Variants in GFAP observed in about 807,000 individuals in gnomAD.
GFAP encodes the protein intermediate filament protein.
GFAP carries 38 observed loss-of-function variants against 49.3 expected under a neutral mutation model. The observed-to-expected ratio is 0.77, with a 90% CI of 0.60 to 1.01. The LOEUF (loss-of-function observed/expected upper bound fraction) is 1.01, where lower values mean the gene tolerates loss of function less well. Among genes scored for constraint, GFAP ranks in the 50% least tolerant of loss-of-function variants. The pLI is 0.00. For synonymous variants in GFAP, 222 were observed against 236.4 expected (o/e 0.94, Z 0.56); for missense variants, 463 against 579.1 (o/e 0.80, Z 2.06).
Position 44,910,601 on chromosome 17 carries a change from C to T in GFAP, c.1171+14G>A, listed in dbSNP as rs756735726. 6.4e-7 allele frequency: 1 copy of T among 1,570,592 alleles called. No homozygotes were observed. Among genetic ancestry groups the T allele is most frequent in the Non-Finnish European group, 8.6e-7 (1 of 1,156,928 alleles). ...GACTCCAGTGCCCTTCCCACGAGGC[C>T]CTGCTGTACTGACCTCGAATCTGCA... On this transcript the variant is annotated intron_variant, in intron 7 of 8. Coordinates refer to ENST00000588735, the MANE Select transcript of GFAP (RefSeq NM_002055.5).
rs915938269 is a variant in GFAP at position 44,914,224 on chromosome 17, T to TG, written c.462-137dup. On this transcript the variant is annotated intron_variant, in intron 1 of 8. Coordinates refer to ENST00000588735, the MANE Select transcript of GFAP (RefSeq NM_002055.5). The stretch of plus-strand genomic sequence containing the variant: ...GTAGAGCAGCAGGAGGATTAAGGGT[T>TG]GGGGGGCCTTAGACAGAGGACTTGT... 2.2e-5 allele frequency: 15 copies of TG among 676,134 alleles called. No homozygotes were observed. The African/African-American group carries it at 2.3e-4, about 10-fold the overall frequency. 41.9% of individuals were successfully genotyped at this position (676,134 alleles called of 1,614,324 possible). A position where few individuals can be genotyped will look rare whatever the true frequency, so the allele number is the denominator to read the frequency against.
Position 44,915,189 on chromosome 17 carries a change from C to G in GFAP, c.298G>C (p.Glu100Gln), listed in dbSNP as rs1288271944. The change falls in exon 1 of 9, where the codon GAG becomes CAG. Residue 100 changes from glutamate (E) to glutamine (Q), a missense_variant. By Grantham distance (29) the Glu-to-Gln change is conservative (BLOSUM62 2). Coordinates refer to ENST00000588735, the MANE Select transcript of GFAP (RefSeq NM_002055.5). This position sits in a 1 kb window ranked among gnomAD's most constrained non-coding sequence, Gnocchi z 4.1. ...TCCTTGGCCCGCAGCTGGTTCAGCT[C>G]AGCAGCCAGCGCCTTGTTTTGCTGT... is the stretch of plus-strand genomic sequence containing the variant. ...LEQQNKALAA[E>Q]LNQLRAKEPT... The G allele has an allele frequency of 6.2e-7, 1 of 1,614,214 alleles. No individual in the cohort carries two copies. Among genetic ancestry groups the G allele is most frequent in the Non-Finnish European group, 8.5e-7 (1 of 1,180,048 alleles).
intron 7 of GFAP, chr17:44,909,671 AT>A: frequency 1.6e-6 from 1 of 617,768 alleles, no homozygotes; most frequent in Non-Finnish European, 2.0e-6. Flanking sequence ...ATTCACTAAT[AT>A]TTAACATTAA....
At chr17:44,912,109 T>TGTG (rs535740204) in intron 4 of GFAP, among the ~76,000 whole-genome samples, 22 of 124,870 alleles carry the variant, frequency 1.8e-4, no homozygotes, top group African/African-American at 7.1e-4. Flanking sequence ...GTTTTGTGTG[T>TGTG]TTTTGTTTTT....
intron 3 of GFAP, 112 bp from the exon 4 acceptor site, chr17:44,913,542 C>T: frequency 1.7e-6 from 2 of 1,202,884 alleles, no homozygotes; most frequent in East Asian, 4.7e-5. Context: ...TTCGAATGCT[C>T]TCTTGTCTCT....
rs756110199 is a variant in GFAP, at chr17:44,904,963, G to T, written c.*2384C>A. Reference sequence around the variant, plus strand: ...CAGATCCTGAGACTCGCTCGGCTGTGGAGCTCACCCTGATAGGCTACCTGC... The same window carrying T: ...CAGATCCTGAGACTCGCTCGGCTGTTGAGCTCACCCTGATAGGCTACCTGC... On this transcript the variant is annotated 3_prime_UTR_variant, in exon 9 of 9. Coordinates refer to ENST00000588735, the MANE Select transcript of GFAP (RefSeq NM_002055.5). The T allele has an allele frequency of 1.3e-6, 2 of 1,550,726 alleles. No homozygotes were observed. The highest frequency in any genetic ancestry group is 1.7e-6 in the Non-Finnish European group (2 of 1,147,032).
At position 44,915,425 on chromosome 17, in the gene GFAP, A is replaced by G; in HGVS notation, c.62T>C (p.Met21Thr). The change falls in exon 1 of 9, where the codon ATG (methionine) becomes ACG (threonine). Residue 21 changes from methionine (M) to threonine (T), a missense_variant. By Grantham distance (81) the Met-to-Thr change is moderately conservative (BLOSUM62 -1). Transcript: ENST00000588735. This position sits in a 1 kb window ranked among gnomAD's most constrained non-coding sequence, Gnocchi z 4.1. Reference sequence around the variant, plus strand: ...GCGGCCAGGAGCCAGGCCCCCCACCATCATCTCCCCTGAGGAGACGTAGGA... The same window carrying G: ...GCGGCCAGGAGCCAGGCCCCCCACCGTCATCTCCCCTGAGGAGACGTAGGA... ...RRSYVSSGEM[M>T]VGGLAPGRRL... is the part of the protein sequence containing the mutation. 1.2e-6 allele frequency: 2 copies of G among 1,608,596 alleles called. No individual in the cohort carries two copies. The highest frequency in any genetic ancestry group is 1.3e-5 in the African/African-American group (1 of 74,946).
Position 44,911,378 on chromosome 17 carries a change from C to T in GFAP, c.985G>A (p.Ala329Thr), listed in dbSNP as rs1418225076. The part of the protein sequence containing the change: ...REAASYQEAL[A>T]RLEEEGQSLK... The stretch of plus-strand genomic sequence containing the variant: ...CTCTGCCCCTCTTCCTCCAGCCGCG[C>T]CAGCGCCTCCTGATAACTGGCCGCC... The change falls in exon 6 of 9, where the codon GCG becomes ACG. Residue 329 changes from alanine (A) to threonine (T), a missense_variant. Transcript: ENST00000588735. 7 of 1,614,116 alleles carry T rather than the reference C, an allele frequency of 4.3e-6. No homozygotes were observed. Among genetic ancestry groups the T allele is most frequent in the Middle Eastern group, 1.7e-4 (1 of 6,038 alleles).
Position 44,903,589 on chromosome 17 carries a change from G to A in GFAP, c.*3758C>T. 1 of 1,404,624 alleles carries A rather than the reference G, an allele frequency of 7.1e-7. No homozygotes were observed. The highest frequency in any genetic ancestry group is 9.2e-7 in the Non-Finnish European group (1 of 1,086,470). The allele number at this position is 1,404,624 out of a possible 1,614,324, so 87.0% of individuals were successfully genotyped here. On this transcript the variant is annotated 3_prime_UTR_variant, in exon 9 of 9. Transcript: ENST00000588735. ...AAAGGGGAGTAAAGGCCAGGTTCTA[G>A]AATGGCTTTCCCCCCCCACCCTGAG...
chr17:44,903,950 G>T lies in GFAP; in HGVS notation c.*3397C>A, dbSNP rs1025489740. The T allele has an allele frequency of 5.2e-6, 8 of 1,550,492 alleles. No individual in the cohort carries two copies. In the African/African-American group the frequency reaches 9.6e-5, roughly 19 times the overall value. On this transcript the variant is annotated 3_prime_UTR_variant, in exon 9 of 9. Coordinates refer to ENST00000588735, the MANE Select transcript of GFAP (RefSeq NM_002055.5). The stretch of plus-strand genomic sequence containing the variant: ...CCCTGCTTTCCTGATGTTTGAAAAT[G>T]CAGCCTACCTGGCCGACATGAGCTT...
chr17:44,904,520 A>C lies in GFAP; in HGVS notation c.*2827T>G, dbSNP rs1381731023. ...GCTGCGGACCAAGGCCAGGGACCAC[A>C]CGCCTGAGGTGCTGGTTCGGAGCTG... On this transcript the variant is annotated 3_prime_UTR_variant, in exon 9 of 9. Coordinates refer to ENST00000588735, the MANE Select transcript of GFAP (RefSeq NM_002055.5). 1.9e-6 allele frequency: 3 copies of C among 1,550,320 alleles called. No individual in the cohort carries two copies. In the South Asian group the frequency reaches 3.6e-5, roughly 18 times the overall value.
chr17:44,913,909 C>T, intron 2 of GFAP, 86 bp from the exon 3 acceptor site: 4 of 1,366,690 alleles, frequency 2.9e-6, no homozygotes, highest in Non-Finnish European at 3.1e-6. Flanking sequence ...CTTACCCCTC[C>T]TTCTGGGGCA....
chr17:44,907,622 C>T, intron 8 of GFAP: 1 of 614,056 alleles, frequency 1.6e-6, no homozygotes, highest in Non-Finnish European at 3.0e-6. Flanking sequence ...AGATGAGCTC[C>T]CACTGTGGTT....
chr17:44,915,041 G>T lies in GFAP; in HGVS notation c.446C>A (p.Ala149Asp), dbSNP rs749499843. The change falls in exon 1 of 9, where the codon GCC becomes GAC. Residue 149 changes from alanine to aspartate, a missense_variant. Around this residue, in one of 3 missense-constraint regions of GFAP, gnomAD observed 362 missense variants for 445.5 expected, o/e 0.81. Transcript: ENST00000588735. This position sits in a 1 kb window ranked among gnomAD's most constrained non-coding sequence, Gnocchi z 4.1. Reference protein sequence around the residue: ...VERDNLAQDLATVRQKLQDET... With the variant: ...VERDNLAQDLDTVRQKLQDET... The stretch of plus-strand genomic sequence containing the variant: ...CCCTCCTCACTTCTGCCTCACAGTG[G>T]CCAGGTCCTGTGCCAGATTGTCCCT... 6 of 1,611,404 alleles carry T rather than the reference G, an allele frequency of 3.7e-6. No individual in the cohort carries two copies. The highest frequency in any genetic ancestry group is 5.1e-6 in the Non-Finnish European group (6 of 1,179,890).
In GFAP at chr17:44,914,851, G is replaced by C. The variant is rs553025149; in HGVS notation, c.461+175C>G. ...CGGGCATCAGATCCCCGGGGCCCTG[G>C]GCCTGTTTCTGGTCCCTCCCATCAT... On this transcript the variant is annotated intron_variant, in intron 1 of 8. Transcript: ENST00000588735. 1.8e-4 allele frequency: 113 copies of C among 626,748 alleles called. No individual in the cohort carries two copies. The African/African-American group carries it at 1.9e-3, about 10-fold the overall frequency. 38.8% of individuals were successfully genotyped at this position (626,748 alleles called of 1,614,324 possible).
Position 44,907,226 on chromosome 17 carries a change from A to C in GFAP, c.*121T>G. 3.4e-6 allele frequency: 3 copies of C among 889,276 alleles called. No individual in the cohort carries two copies. Among genetic ancestry groups the C allele is most frequent in the Non-Finnish European group, 5.6e-6 (3 of 533,848 alleles). 55.1% of individuals were successfully genotyped at this position (889,276 alleles called of 1,614,324 possible). ...GACCTAGGGACAGAGGAGGGAGGGGAGCAGCTGGGGTGGTGGGGAGCTCAG... is the reference window on the plus strand; with the variant it reads ...GACCTAGGGACAGAGGAGGGAGGGGCGCAGCTGGGGTGGTGGGGAGCTCAG... On this transcript the variant is annotated 3_prime_UTR_variant, in exon 9 of 9. Transcript: ENST00000588735.
rs1007873598 is a variant in GFAP, at chr17:44,903,720, T to A, written c.*3627A>T. On this transcript the variant is annotated 3_prime_UTR_variant, in exon 9 of 9. Transcript: ENST00000588735. ...ATTGTTGCTGCTTTTCCTGGCTGCATAATCCTTTCCTCATCTAGAGGCTTC... is the reference window on the plus strand; with the variant it reads ...ATTGTTGCTGCTTTTCCTGGCTGCAAAATCCTTTCCTCATCTAGAGGCTTC... The A allele has an allele frequency of 6.9e-6, 10 of 1,445,284 alleles. No homozygotes were observed. The Admixed American group carries it at 2.8e-4, about 41-fold the overall frequency. The allele number at this position is 1,445,284 out of a possible 1,614,324, so 89.5% of individuals were successfully genotyped here.
chr17:44,915,287 GC>G lies in GFAP; in HGVS notation c.199del (p.Ala67ProfsTer7). 6.2e-7 allele frequency: 1 copy of G among 1,614,140 alleles called. No individual in the cohort carries two copies. The highest frequency in any genetic ancestry group is 8.5e-7 in the Non-Finnish European group (1 of 1,180,040). On this transcript the variant is annotated frameshift_variant, in exon 1 of 9. Coordinates refer to ENST00000588735, the MANE Select transcript of GFAP (RefSeq NM_002055.5). LOFTEE classifies it high-confidence loss of function. The surrounding 1 kb of genome is among the most constrained non-coding windows in gnomAD (Gnocchi z 4.1). ...CTCCATCATCTCTGCCCGCTCACTG[GC>G]CCGGGTCTCCTTGAAGCCAGCATTG... ...ALNAGFKETR[A>X]SERAEMMELN...
intron 7 of GFAP, 37 bp downstream of exon 7, chr17:44,910,578 C>T (rs763261411): frequency 6.7e-5 from 104 of 1,560,942 alleles, no homozygotes; most frequent in Admixed American, 1.8e-4. Flanking sequence ...GGGGGCAGGA[C>T]TCCAGTGCCC....
Sources: gnomAD v4.1 joint callset for allele counts (sites outside exome capture counted in the v4.1 genomes callset) on GRCh38, gnomAD v4.1.1 for gene constraint, gnomAD v4.1.1 regional missense constraint, Gnocchi (gnomAD v3.1) non-coding constraint, MANE v1.5 for transcripts, NCBI Gene and HGNC (gene_info 2026-07-23, HGNC 2026-07-21) for gene names.